The following DLC1 variants were observed in gnomAD, a reference collection of about 807,000 sequenced individuals.
DLC1 encodes rho GTPase-activating protein 7.
In DLC1, 54 loss-of-function variants were observed where a neutral mutation model predicts 140.3. The observed-to-expected ratio is 0.38, with a 90% CI of 0.31 to 0.48. DLC1 has a LOEUF of 0.48. Among genes scored for constraint, DLC1 ranks in the 20% least tolerant of loss-of-function variants. The probability of loss-of-function intolerance (pLI) is 0.96; values close to 1 mark genes in which losing one functional copy is unlikely to be tolerated. For missense variants in DLC1, 2,536 were observed against 1,907.0 expected, an observed-to-expected ratio of 1.33 and a Z score of -6.14; for synonymous variants, 986 against 728.1, an observed-to-expected ratio of 1.35 and a Z score of -5.70.
At chr8:13,226,120 C>T (rs1463906967) in intron 5 of DLC1, among the ~76,000 whole-genome samples, 2 of 152,062 alleles carry the variant, frequency 1.3e-5, no homozygotes, top group African/African-American at 4.8e-5. Flanking sequence ...TGCTGTGTTG[C>T]CCAGGCTAGT....
At chr8:13,468,126 T>C (rs555580163) in intron 2 of DLC1, among the ~76,000 whole-genome samples, 73 of 152,322 alleles carry the variant, frequency 4.8e-4, no homozygotes, top group African/African-American at 1.7e-3. Flanking sequence ...AGAAGAATTT[T>C]AAACACTTTC....
chr8:13,439,333 A>G (rs1257882451), intron 2 of DLC1, among the ~76,000 whole-genome samples: 2 of 152,036 alleles, frequency 1.3e-5, no homozygotes, highest in African/African-American at 4.8e-5. Context: ...CAAAAAAACA[A>G]AAAGAAAAAC....
chr8:13,494,997 C>G (rs1030615770), intron 2 of DLC1, among the ~76,000 whole-genome samples: 17 of 152,034 alleles, frequency 1.1e-4, no homozygotes, highest in African/African-American at 4.1e-4. Context: ...AACTAAGACC[C>G]TAACATTCAT....
chr8:13,210,475 A>G (rs1053270633), intron 5 of DLC1, among the ~76,000 whole-genome samples: 1 of 152,228 alleles, frequency 6.6e-6, no homozygotes, highest in African/African-American at 2.4e-5. Context: ...AAATCGAAGT[A>G]TGCTAACCCT....
intron 4 of DLC1, among the ~76,000 whole-genome samples, chr8:13,391,774 T>G (rs1836773056): frequency 6.6e-6 from 1 of 152,090 alleles, no homozygotes; most frequent in Admixed American, 6.6e-5. Context: ...AGAGAGAAAG[T>G]GGATACCACC....
chr8:13,152,382 A>T (rs1434144268), intron 5 of DLC1, among the ~76,000 whole-genome samples: 1 of 152,190 alleles, frequency 6.6e-6, no homozygotes, highest in East Asian at 1.9e-4. Context: ...ATATAACCCA[A>T]AAAAATGACT....
chr8:13,555,777 C>T (rs1205842794), intron 1 of DLC1, among the ~76,000 whole-genome samples: 2 of 151,858 alleles, frequency 1.3e-5, no homozygotes, highest in Non-Finnish European at 2.9e-5. Context: ...GCTAGGATTA[C>T]AGGCATGAGA....
chr8:13,437,137 G>C (rs1176411587), intron 2 of DLC1, among the ~76,000 whole-genome samples: 1 of 152,132 alleles, frequency 6.6e-6, no homozygotes, highest in Non-Finnish European at 1.5e-5. Context: ...GTCTTCCTCT[G>C]TCTACGCCAT....
chr8:13,230,504 T>G (rs80087951), intron 5 of DLC1, among the ~76,000 whole-genome samples: 1 of 152,178 alleles, frequency 6.6e-6, no homozygotes, highest in Admixed American at 6.5e-5. Flanking sequence ...TTTGATAACT[T>G]GAGGCATTTA....
intron 5 of DLC1, among the ~76,000 whole-genome samples, chr8:13,303,054 T>C (rs1018879802): frequency 1.3e-5 from 2 of 152,176 alleles, no homozygotes; most frequent in Admixed American, 6.5e-5. Flanking sequence ...GACACGAACA[T>C]TTGTCTTGAC....
At chr8:13,566,039 T>C (rs1055984947) in intron 1 of DLC1, among the ~76,000 whole-genome samples, 3 of 152,222 alleles carry the variant, frequency 2.0e-5, no homozygotes, top group African/African-American at 7.2e-5. Flanking sequence ...AACAGAGATT[T>C]CTTGAACACC....
chr8:13,111,111 A>C (rs1274300698), intron 6 of DLC1, among the ~76,000 whole-genome samples: 1 of 152,198 alleles, frequency 6.6e-6, no homozygotes, highest in Non-Finnish European at 1.5e-5. Context: ...ATCAGCAGGC[A>C]ATGAGTCCCC....
At chr8:13,592,192 T>G (rs1805537180) in intron 1 of DLC1, among the ~76,000 whole-genome samples, 1 of 152,086 alleles carries the variant, frequency 6.6e-6, no homozygotes, top group African/African-American at 2.4e-5. Flanking sequence ...GGTCTTATAT[T>G]TATCAACTTT....
intron 5 of DLC1, among the ~76,000 whole-genome samples, chr8:13,298,363 C>A (rs887153084): frequency 1.3e-5 from 2 of 152,040 alleles, no homozygotes; most frequent in Non-Finnish European, 2.9e-5. Context: ...CATATTTGGC[C>A]GTTGGGTTGA....
At chr8:13,514,036 C>CTT (rs558076579) in intron 1 of DLC1, among the ~76,000 whole-genome samples, 3,587 of 147,268 alleles carry the variant, frequency 0.024, 152 homozygotes, top group African/African-American at 0.079. Context: ...CACGTGTTTA[C>CTT]TTTTTTTTTT....
At chr8:13,535,934 C>G (rs183640446) in intron 1 of DLC1, 1 of 152,142 alleles carries the variant, frequency 6.6e-6, no homozygotes, top group East Asian at 1.9e-4. Context: ...TAAGTGTTAG[C>G]AAGAATTTTT....
chr8:13,363,158 C>G (rs1358784571), intron 4 of DLC1, among the ~76,000 whole-genome samples: 2 of 152,170 alleles, frequency 1.3e-5, no homozygotes, highest in African/African-American at 2.4e-5. Flanking sequence ...CTGTTAATGT[C>G]TACACATGAG....
chr8:13,223,539 G>A (rs1014435348), intron 5 of DLC1, among the ~76,000 whole-genome samples: 6 of 152,008 alleles, frequency 3.9e-5, no homozygotes, highest in African/African-American at 1.2e-4. Flanking sequence ...GGTAAAAAGA[G>A]AACACATAAA....
intron 1 of DLC1, among the ~76,000 whole-genome samples, chr8:13,593,173 G>T (rs1805574338): frequency 6.6e-6 from 1 of 152,096 alleles, no homozygotes; most frequent in Non-Finnish European, 1.5e-5. Context: ...CATTTTATTA[G>T]CAGCAGGCCA....
Sources: allele counts gnomAD v4.1 joint callset (sites outside exome capture counted in the v4.1 genomes callset), GRCh38; gene constraint gnomAD v4.1.1; transcripts MANE v1.5; gene names NCBI Gene and HGNC (gene_info 2026-07-23, HGNC 2026-07-21).